GRIN2A: variants seen among roughly 807,000 people sequenced by gnomAD.
GRIN2A encodes the protein glutamate receptor ionotropic, NMDA 2A.
In GRIN2A, 22 loss-of-function variants were observed where a neutral mutation model predicts 113.4. The observed-to-expected ratio is 0.19, with a 90% CI of 0.14 to 0.28. The LOEUF (loss-of-function observed/expected upper bound fraction) is 0.28. GRIN2A is among the 10% of genes least tolerant of loss of function. GRIN2A has a pLI of 1.00. For missense variants in GRIN2A, 1,502 were observed against 1,887.0 expected (o/e 0.80, Z 3.78); for synonymous variants, 827 against 738.4 (o/e 1.12, Z -1.94).
intron 2 of GRIN2A, among the ~76,000 whole-genome samples, chr16:10,101,082 G>A (rs779316326): frequency 3.9e-5 from 6 of 152,196 alleles, no homozygotes; most frequent in Non-Finnish European, 8.8e-5. Flanking sequence ...CCAGTGACAG[G>A]GCATGAGGGG....
At chr16:9,792,407 A>G (rs951775659) in intron 11 of GRIN2A, among the ~76,000 whole-genome samples, 1 of 152,104 alleles carries the variant, frequency 6.6e-6, no homozygotes, top group African/African-American at 2.4e-5. Flanking sequence ...ATTTTTTTGT[A>G]GAGATGGGTT....
intron 2 of GRIN2A, among the ~76,000 whole-genome samples, chr16:10,106,326 C>T (rs2048500880): frequency 6.6e-6 from 1 of 151,336 alleles, no homozygotes; most frequent in African/African-American, 2.4e-5. Flanking sequence ...CTTTGGGAGA[C>T]TGAGAGGGAG....
At chr16:9,970,364 G>C (rs1427396352) in intron 2 of GRIN2A, among the ~76,000 whole-genome samples, 4 of 152,186 alleles carry the variant, frequency 2.6e-5, no homozygotes, top group Admixed American at 1.3e-4. Context: ...CAGTGTTTTG[G>C]TGCATTGCCC....
At chr16:9,990,542 TACAC>T (rs773609557) in intron 2 of GRIN2A, among the ~76,000 whole-genome samples, 2 of 137,920 alleles carry the variant, frequency 1.5e-5, no homozygotes, top group East Asian at 2.2e-4. Context: ...TCTCTCTCTC[TACAC>T]GCGCGCGCGC....
chr16:9,793,823 C>T (rs1425745812), intron 11 of GRIN2A, among the ~76,000 whole-genome samples: 2 of 142,530 alleles, frequency 1.4e-5, no homozygotes, highest in East Asian at 4.0e-4. Context: ...ATATGTATGT[C>T]TACATATGTG....
intron 2 of GRIN2A, among the ~76,000 whole-genome samples, chr16:10,125,240 A>G (rs1400766519): frequency 6.6e-6 from 1 of 152,158 alleles, no homozygotes; most frequent in Non-Finnish European, 1.5e-5. Context: ...ACTTCTTACT[A>G]GAGATTCAAG....
intron 10 of GRIN2A, among the ~76,000 whole-genome samples, chr16:9,818,747 T>C (rs537156366): frequency 6.6e-6 from 1 of 152,322 alleles, no homozygotes; most frequent in Non-Finnish European, 1.5e-5. Flanking sequence ...AAAGATTAAT[T>C]ACACATTGTA....
chr16:10,050,368 A>T (rs1359707578), intron 2 of GRIN2A, among the ~76,000 whole-genome samples: 1 of 152,102 alleles, frequency 6.6e-6, no homozygotes. Flanking sequence ...CAGGTGAGCA[A>T]GTGAAGCTTT....
At chr16:10,037,617 T>A (rs1170344076) in intron 2 of GRIN2A, among the ~76,000 whole-genome samples, 1 of 152,088 alleles carries the variant, frequency 6.6e-6, no homozygotes, top group African/African-American at 2.4e-5. Context: ...TACTCCTATT[T>A]CTTTTATTAT....
At chr16:9,957,683 G>T (rs1336427159) in intron 2 of GRIN2A, among the ~76,000 whole-genome samples, 1 of 152,174 alleles carries the variant, frequency 6.6e-6, no homozygotes, top group East Asian at 1.9e-4. Flanking sequence ...ACCAACCACA[G>T]CAAAGCACGT....
chr16:9,789,380 G>C (rs773816522), intron 11 of GRIN2A, among the ~76,000 whole-genome samples: 5 of 152,134 alleles, frequency 3.3e-5, no homozygotes, highest in Non-Finnish European at 7.4e-5. Context: ...CCAGGTTCTT[G>C]ATTAAAGAGA....
At chr16:9,995,413 C>A (rs1272613274) in intron 2 of GRIN2A, among the ~76,000 whole-genome samples, 1 of 152,020 alleles carries the variant, frequency 6.6e-6, no homozygotes, top group Non-Finnish European at 1.5e-5. Flanking sequence ...AGCATTAATC[C>A]CCTCAGGTTT....
At chr16:9,897,221 A>AT (rs60188583) in intron 3 of GRIN2A, among the ~76,000 whole-genome samples, 2 of 149,224 alleles carry the variant, frequency 1.3e-5, no homozygotes, top group Non-Finnish European at 1.5e-5. Context: ...TTATATATAT[A>AT]AAAAAATACA....
At chr16:9,912,416 G>A (rs1431249189) in intron 3 of GRIN2A, among the ~76,000 whole-genome samples, 1 of 149,160 alleles carries the variant, frequency 6.7e-6, no homozygotes, top group African/African-American at 2.5e-5. Context: ...TTTTCAGAAC[G>A]TAGCCCCTGA....
chr16:9,997,366 G>A lies in GRIN2A; in HGVS notation c.415-58815C>T, dbSNP rs566308260. Among the ~76,000 whole-genome samples, 108 of 152,214 alleles carry A rather than the reference G, an allele frequency of 7.1e-4. 2 individuals carry two copies. Among genetic ancestry groups the A allele is most frequent in the African/African-American group, 2.4e-3 (99 of 41,530 alleles). ...GATAGGTCCATCCAGATTCTATCCC[G>A]GGGGATCTCTTCCTGTGTGTAGCCT... On this transcript the variant is annotated intron_variant, in intron 2 of 12. Coordinates refer to ENST00000330684, the MANE Select transcript of GRIN2A (RefSeq NM_001134407.3).
chr16:10,101,317 C>T (rs1300690289), intron 2 of GRIN2A, among the ~76,000 whole-genome samples: 2 of 152,206 alleles, frequency 1.3e-5, no homozygotes, highest in Non-Finnish European at 2.9e-5. Context: ...GCATCTGTTT[C>T]CTGGAAGATC....
chr16:9,963,928 G>T (rs1343342079), intron 2 of GRIN2A, among the ~76,000 whole-genome samples: 1 of 152,148 alleles, frequency 6.6e-6, no homozygotes, highest in Non-Finnish European at 1.5e-5. Context: ...AGTGCTTGTG[G>T]TGCAGGAATG....
intron 2 of GRIN2A, among the ~76,000 whole-genome samples, chr16:10,161,026 C>T (rs1459704467): frequency 6.6e-6 from 1 of 152,232 alleles, no homozygotes; most frequent in Non-Finnish European, 1.5e-5. Context: ...TAGAGCATTG[C>T]TTTTACTTGT....
rs565137757 is a variant in GRIN2A, at chr16:10,173,253, C to T, written c.414+6745G>A. ...AGCTGAGTGGGCTCCACCAACATTC[C>T]GATCTGTGCGTCTGCCCTTTTCGAG... On this transcript the variant is annotated intron_variant, in intron 2 of 12. Coordinates refer to ENST00000330684, the MANE Select transcript of GRIN2A (RefSeq NM_001134407.3). Among the ~76,000 whole-genome samples the T allele has an allele frequency of 7.2e-5, 11 of 152,342 alleles. No homozygotes were observed. In the South Asian group the frequency reaches 1.7e-3, roughly 23 times the overall value.
Sources: gnomAD v4.1 joint callset for allele counts (sites outside exome capture counted in the v4.1 genomes callset) on GRCh38, gnomAD v4.1.1 for gene constraint, MANE v1.5 for transcripts, NCBI Gene and HGNC (gene_info 2026-07-23, HGNC 2026-07-21) for gene names.